Variants in CSK observed in about 807,000 individuals in gnomAD.
CSK encodes C-terminal Src kinase.
A neutral mutation model predicts 62.3 loss-of-function variants in CSK; 7 were observed. The observed-to-expected ratio is 0.11, with a 90% CI of 0.06 to 0.21. The LOEUF (loss-of-function observed/expected upper bound fraction) is 0.21. Ranked by LOEUF, CSK falls within the 10% of genes least tolerant of loss-of-function variation. The pLI is 1.00. For missense variants in CSK, 294 were observed against 613.5 expected (o/e 0.48, Z 5.50); for synonymous variants, 237 against 246.0 (o/e 0.96, Z 0.34).
chr15:74,798,033 C>G lies in CSK; in HGVS notation c.-65-200C>G. On this transcript the variant is annotated intron_variant, in intron 1 of 12. Coordinates refer to ENST00000220003, the MANE Select transcript of CSK (RefSeq NM_004383.3). The surrounding 1 kb of genome is among the most constrained non-coding windows in gnomAD (Gnocchi z 6.6). The stretch of plus-strand genomic sequence containing the variant: ...CTGTGGCCTTAGGGTTGGTGGCTCC[C>G]TCTGCCCCTGGGGGTCCTCAGCCCT... 1 of 429,206 alleles carries G rather than the reference C, an allele frequency of 2.3e-6. No individual in the cohort carries two copies. Among genetic ancestry groups the G allele is most frequent in the East Asian group, 3.9e-5 (1 of 25,752 alleles). 26.6% of individuals were successfully genotyped at this position (429,206 alleles called of 1,614,324 possible).
chr15:74,784,875 G>C (rs1407457670), intron 1 of CSK, among the ~76,000 whole-genome samples: 1 of 152,172 alleles, frequency 6.6e-6, no homozygotes, highest in Non-Finnish European at 1.5e-5. Context: ...CTGAGTCTGG[G>C]AAAGAGAAAG....
At position 74,802,598 on chromosome 15, in the gene CSK, G is replaced by T; in HGVS notation, c.*85G>T. ...TGGTGCCCCTGCTCACTGGGCCCGA[G>T]CCTGAACTGAGCCCCAGCGGGCTGG... On this transcript the variant is annotated 3_prime_UTR_variant, in exon 13 of 13. Coordinates refer to ENST00000220003, the MANE Select transcript of CSK (RefSeq NM_004383.3). 6.5e-7 allele frequency: 1 copy of T among 1,528,582 alleles called. No individual in the cohort carries two copies. Among genetic ancestry groups the T allele is most frequent in the Non-Finnish European group, 8.8e-7 (1 of 1,134,618 alleles). 94.7% of individuals were successfully genotyped at this position (1,528,582 alleles called of 1,614,324 possible).
chr15:74,795,391 C>G (rs1225434291), intron 1 of CSK, among the ~76,000 whole-genome samples: 2 of 152,162 alleles, frequency 1.3e-5, no homozygotes, highest in Middle Eastern at 3.2e-3. Flanking sequence ...GGGTAGGTAG[C>G]AATATTTGTG....
rs369845435 is a variant in CSK at position 74,801,470 on chromosome 15, AG to A, written c.814-49del. On this transcript the variant is annotated intron_variant, in intron 9 of 12. Coordinates refer to ENST00000220003, the MANE Select transcript of CSK (RefSeq NM_004383.3). ...ACCCGGCCCCAGCGTGCTGTGTGAG[AG>A]GGCTGCAGGGCACGTCTGACCTCGG... is the stretch of plus-strand genomic sequence containing the variant. 1,512 of 1,560,856 alleles carry A rather than the reference AG, an allele frequency of 9.7e-4. 7 individuals carry two copies. Among genetic ancestry groups the A allele is most frequent in the East Asian group, 9.6e-3 (427 of 44,374 alleles).
chr15:74,801,451 C>A, intron 9 of CSK, 71 bp from the exon 10 acceptor site: 1 of 1,486,684 alleles, frequency 6.7e-7, no homozygotes, highest in Non-Finnish European at 9.2e-7. Flanking sequence ...ACCCACCCGG[C>A]CCCAGCGTGC....
intron 1 of CSK, among the ~76,000 whole-genome samples, chr15:74,794,748 A>C (rs2063679517): frequency 1.3e-5 from 2 of 152,212 alleles, no homozygotes; most frequent in South Asian, 4.1e-4. Flanking sequence ...GCCAGGTATT[A>C]AGCCCAGGCC....
At chr15:74,796,306 C>T (rs1229701768) in intron 1 of CSK, among the ~76,000 whole-genome samples, 3 of 151,758 alleles carry the variant, frequency 2.0e-5, no homozygotes, top group African/African-American at 7.3e-5. Flanking sequence ...TGAAGGTCTT[C>T]ATCCTTCACA....
intron 1 of CSK, among the ~76,000 whole-genome samples, chr15:74,785,518 C>T (rs528977488): frequency 9.2e-5 from 14 of 152,188 alleles, no homozygotes; most frequent in Admixed American, 1.3e-4. Context: ...AGGTCACTGA[C>T]CTGCTGAGCC....
At chr15:74,802,149 C>G in intron 12 of CSK, 66 bp downstream of exon 12, 1 of 1,522,994 alleles carries the variant, frequency 6.6e-7, no homozygotes, top group Non-Finnish European at 9.0e-7. Context: ...GGGCGTGAGC[C>G]TCCTTGGGCC....
Position 74,802,014 on chromosome 15 carries a change from T to A in CSK, c.1101T>A (p.Ser367=). ...ALREKKFSTK[S]DVWSFGILLW... ...CATGGCAGAAATTCTCCACTAAGTC[T>A]GACGTGTGGAGTTTCGGAATCCTTC... is the stretch of plus-strand genomic sequence containing the variant. The change falls in exon 12 of 13, where the codon TCT becomes TCA. Residue 367 remains serine, a synonymous_variant. Coordinates refer to ENST00000220003, the MANE Select transcript of CSK (RefSeq NM_004383.3). 6.2e-7 allele frequency: 1 copy of A among 1,614,066 alleles called. No homozygotes were observed. The highest frequency in any genetic ancestry group is 1.7e-5 in the Admixed American group (1 of 60,002).
intron 1 of CSK, among the ~76,000 whole-genome samples, chr15:74,783,874 G>T (rs2063476686): frequency 6.6e-6 from 1 of 152,228 alleles, no homozygotes; most frequent in African/African-American, 2.4e-5. Flanking sequence ...CACAGGAGCA[G>T]CCAAGTTCAG....
At chr15:74,785,879 A>G (rs2063507660) in intron 1 of CSK, among the ~76,000 whole-genome samples, 1 of 152,002 alleles carries the variant, frequency 6.6e-6, no homozygotes, top group Non-Finnish European at 1.5e-5. Flanking sequence ...GGCCTAGGAC[A>G]TGGGGCTGGC....
chr15:74,783,297 G>GC lies in CSK; in HGVS notation c.-66+580dup, dbSNP rs2063465698. Among the ~76,000 whole-genome samples the GC allele has an allele frequency of 5.9e-5, 9 of 152,344 alleles. 1 individual carries two copies. The South Asian group carries it at 1.7e-3, about 28-fold the overall frequency. On this transcript the variant is annotated intron_variant, in intron 1 of 12. Transcript: ENST00000220003. The stretch of plus-strand genomic sequence containing the variant: ...GGGTGGGAAACTGGGCAGGCCTTCT[G>GC]CCCGGGGGGAGGTAACGGAGCATTA...
chr15:74,793,220 G>A lies in CSK; in HGVS notation c.-65-5013G>A, dbSNP rs147301599. 6.0e-3 allele frequency: 917 copies of A among 152,482 alleles called. 4 individuals carry two copies. The highest frequency in any genetic ancestry group is 0.011 in the Admixed American group (164 of 15,300). The allele number at this position is 152,482 out of a possible 1,614,324, so 9.4% of individuals were successfully genotyped here. On this transcript the variant is annotated intron_variant, in intron 1 of 12. Transcript: ENST00000220003. ...TCCATTGCACAGATGGGGAAGCTGG[G>A]TTCTAGAGTCACAGCCAGCAGAGTA...
intron 1 of CSK, among the ~76,000 whole-genome samples, chr15:74,789,406 G>A (rs1472865307): frequency 6.6e-6 from 1 of 152,186 alleles, no homozygotes; most frequent in Admixed American, 6.5e-5. Flanking sequence ...AAGCCCTCGG[G>A]CACCCTTCCT....
intron 1 of CSK, among the ~76,000 whole-genome samples, chr15:74,795,958 C>T (rs993316121): frequency 3.9e-5 from 6 of 152,152 alleles, no homozygotes; most frequent in Admixed American, 2.0e-4. Flanking sequence ...TGGCTCACAC[C>T]TGTAATCTCA....
In CSK at chr15:74,802,062, G is replaced by A; in HGVS notation, c.1149G>A (p.Gly383=). 1 of 1,614,074 alleles carries A rather than the reference G, an allele frequency of 6.2e-7. No homozygotes were observed. Among genetic ancestry groups the A allele is most frequent in the Middle Eastern group, 1.7e-4 (1 of 6,018 alleles). ...GILLWEIYSF[G]RVPYPRIPLK... ...TTCTCTGGGAAATCTACTCCTTTGG[G>A]CGAGTGCCTTATCCAAGAATTGTGA... The change falls in exon 12 of 13, where the codon GGG becomes GGA. Residue 383 remains glycine (G), a synonymous_variant. Coordinates refer to ENST00000220003, the MANE Select transcript of CSK (RefSeq NM_004383.3).
chr15:74,788,006 CT>C (rs2063550911), intron 1 of CSK, among the ~76,000 whole-genome samples: 1 of 152,214 alleles, frequency 6.6e-6, no homozygotes, highest in African/African-American at 2.4e-5. Context: ...GTGGTTCTCA[CT>C]TCCTGGCAGA....
chr15:74,799,566 C>G, intron 5 of CSK, 75 bp downstream of exon 5: 11 of 1,435,034 alleles, frequency 7.7e-6, no homozygotes, highest in Non-Finnish European at 1.0e-5. Flanking sequence ...GCTTCTAGCT[C>G]CAGCCCCACT....
Sources: allele counts gnomAD v4.1 joint callset (sites outside exome capture counted in the v4.1 genomes callset), GRCh38; gene constraint gnomAD v4.1.1; non-coding constraint Gnocchi (gnomAD v3.1); transcripts MANE v1.5; gene names NCBI Gene and HGNC (gene_info 2026-07-23, HGNC 2026-07-21).